CNOT10: variants seen among roughly 807,000 people sequenced by gnomAD.
The protein encoded by CNOT10 is CCR4-NOT transcription complex, subunit 10.
Under a neutral mutation model 94.6 loss-of-function variants are expected in CNOT10, and 30 were observed. The observed-to-expected ratio is 0.32, with a 90% confidence interval of 0.24 to 0.43. The LOEUF is 0.43. CNOT10 is among the 20% of genes least tolerant of loss of function. The probability of loss-of-function intolerance (pLI) is 1.00; values close to 1 mark genes in which losing one functional copy is unlikely to be tolerated. For missense variants in CNOT10, 759 were observed against 877.2 expected (o/e 0.87, Z 1.70); for synonymous variants, 289 against 301.6 (o/e 0.96, Z 0.43).
chr3:32,757,856 C>CACT (rs1367143324), intron 13 of CNOT10, among the ~76,000 whole-genome samples: 1 of 152,174 alleles, frequency 6.6e-6, no homozygotes, highest in Non-Finnish European at 1.5e-5. Flanking sequence ...TTGAAAGTGG[C>CACT]ACTACTTGCT....
intron 10 of CNOT10, among the ~76,000 whole-genome samples, chr3:32,731,724 G>T (rs1471781231): frequency 2.6e-5 from 4 of 152,026 alleles, no homozygotes; most frequent in African/African-American, 7.2e-5. Flanking sequence ...CGATCCACCC[G>T]CCTCAGCCTC....
rs1360769353 is a variant in CNOT10 at position 32,703,939 on chromosome 3, A to G, written c.94A>G (p.Thr32Ala). The G allele has an allele frequency of 6.2e-7, 1 of 1,613,156 alleles. No homozygotes were observed. The highest frequency in any genetic ancestry group is 8.5e-7 in the Non-Finnish European group (1 of 1,179,126). ...GITDQEKELS[T>A]NAFQAFTSGN... ...CACTGATCAAGAGAAGGAGTTATCC[A>G]CCAATGCTTTCCAAGCTTTCACAGT... Residue 32 changes from threonine to alanine, a missense_variant, in exon 2 of 19, where the codon ACC becomes GCC. By Grantham distance (58) the Thr-to-Ala change is moderately conservative. Around this residue, in one of 3 missense-constraint regions of CNOT10, gnomAD observed 682 missense variants for 799.4 expected, o/e 0.85. Coordinates refer to ENST00000328834, the MANE Select transcript of CNOT10 (RefSeq NM_015442.3).
chr3:32,764,631 C>A (rs1700589034), intron 16 of CNOT10, 51 bp from the exon 17 acceptor site: 1 of 1,607,812 alleles, frequency 6.2e-7, no homozygotes, highest in East Asian at 2.2e-5. Context: ...TGGGTTGCTT[C>A]CTTGCTGTTG....
chr3:32,764,305 C>G, intron 15 of CNOT10, 150 bp from the exon 16 acceptor site: 3 of 722,190 alleles, frequency 4.2e-6, no homozygotes, highest in South Asian at 1.9e-5. Context: ...CCCCTGCACT[C>G]CAGCCTGGGC....
intron 8 of CNOT10, among the ~76,000 whole-genome samples, chr3:32,720,667 T>C (rs1278566082): frequency 6.6e-6 from 1 of 151,700 alleles, no homozygotes; most frequent in Non-Finnish European, 1.5e-5. Flanking sequence ...TTATTTATTG[T>C]AGAAACAAGG....
rs1416573287 is a variant in CNOT10, at chr3:32,685,622, G to T, written c.22+140G>T. The T allele has an allele frequency of 1.3e-5, 12 of 891,608 alleles. No individual in the cohort carries two copies. The South Asian group carries it at 1.7e-4, about 13-fold the overall frequency. 55.2% of individuals were successfully genotyped at this position (891,608 alleles called of 1,614,324 possible). A position where few individuals can be genotyped will look rare whatever the true frequency, so the allele number is the denominator to read the frequency against. On this transcript the variant is annotated intron_variant, in intron 1 of 18. Transcript: ENST00000328834. Reference sequence around the variant, plus strand: ...CGTGCATTTCTTTACCCCATCCTCTGTCTCGGCTGTCGCTAACATGAGTCT... The same window carrying T: ...CGTGCATTTCTTTACCCCATCCTCTTTCTCGGCTGTCGCTAACATGAGTCT...
chr3:32,730,507 T>TTTTCCTC (rs1698896168), intron 10 of CNOT10: 1 of 152,068 alleles, frequency 6.6e-6, no homozygotes, highest in Non-Finnish European at 1.5e-5. Context: ...ACCAGTAATA[T>TTTTCCTC]CTTTGTGCTT....
At chr3:32,771,758 C>T (rs1415781844) in intron 18 of CNOT10, among the ~76,000 whole-genome samples, 2 of 152,156 alleles carry the variant, frequency 1.3e-5, no homozygotes, top group Admixed American at 1.3e-4. Context: ...ATCATAACTT[C>T]AGACACTTAA....
intron 13 of CNOT10, among the ~76,000 whole-genome samples, chr3:32,754,489 A>AAAAAAATATATATATATATAT (rs77878221): frequency 1.4e-5 from 1 of 70,212 alleles, no homozygotes; most frequent in Non-Finnish European, 2.2e-5. Flanking sequence ...AAAAAAAAAA[A>AAAAAAATATATATATATATAT]ATACATATAT....
At position 32,717,334 on chromosome 3, in the gene CNOT10, T is replaced by C. The variant is rs148710912; in HGVS notation, c.744+97T>C. ...AAATAATTTATCTTAGTCTTTTACA[T>C]ATACTGCCAGATATGAACCTTGCTA... On this transcript the variant is annotated intron_variant, in intron 7 of 18. Transcript: ENST00000328834. 5.3e-4 allele frequency: 356 copies of C among 673,736 alleles called. 2 individuals are homozygous for C. The East Asian group carries it at 5.9e-3, about 11-fold the overall frequency. The allele number at this position is 673,736 out of a possible 1,614,324, so 41.7% of individuals were successfully genotyped here. A position where few individuals can be genotyped will look rare whatever the true frequency, so the allele number is the denominator to read the frequency against.
Position 32,725,478 on chromosome 3 carries a change from T to C in CNOT10, c.891T>C (p.Asn297=), listed in dbSNP as rs755468651. 5 of 1,613,682 alleles carry C rather than the reference T, an allele frequency of 3.1e-6. 1 individual carries two copies. In the African/African-American group the frequency reaches 4.0e-5, roughly 13 times the overall value. The change falls in exon 9 of 19, where the codon AAT becomes AAC. Residue 297 remains asparagine (N), a synonymous_variant. Coordinates refer to ENST00000328834, the MANE Select transcript of CNOT10 (RefSeq NM_015442.3). The part of the protein sequence containing the change: ...TGECLRCMFW[N]NLGCIHFAMS... ...AATGCTTGAGATGCATGTTCTGGAA[T>C]AACCTTGGTTGCATCCATTTTGCCA...
intron 17 of CNOT10, chr3:32,768,906 G>C (rs1487598130): frequency 6.6e-6 from 1 of 152,286 alleles, no homozygotes; most frequent in South Asian, 2.1e-4. Flanking sequence ...CTACCTGTGA[G>C]ATATCTACCC....
At chr3:32,701,739 C>T (rs1205481264) in intron 1 of CNOT10, among the ~76,000 whole-genome samples, 1 of 152,174 alleles carries the variant, frequency 6.6e-6, no homozygotes, top group East Asian at 1.9e-4. Context: ...GCCTGTGGAA[C>T]CATAAGCCAA....
rs371696319 is a variant in CNOT10 at position 32,772,091 on chromosome 3, A to G, written c.2081-1366A>G. 4.4e-4 allele frequency among the ~76,000 whole-genome samples: 67 copies of G among 152,230 alleles called. 2 individuals are homozygous for G. In the South Asian group the frequency reaches 0.013, roughly 31 times the overall value. The stretch of plus-strand genomic sequence containing the variant: ...ATAGGCCAGGTGCGGTGGCTCATGC[A>G]TGTAATCCCAACACTTTGGGAGGCC... On this transcript the variant is annotated intron_variant, in intron 18 of 18. Coordinates refer to ENST00000328834, the MANE Select transcript of CNOT10 (RefSeq NM_015442.3).
rs184256821 is a variant in CNOT10, at chr3:32,745,777, T to C, written c.1595+8287T>C. The stretch of plus-strand genomic sequence containing the variant: ...GCTTTGGGAGGTCCAGGCAGGCAAA[T>C]TGCTTGAGTCCAGGAATTTGAGACG... On this transcript the variant is annotated intron_variant, in intron 13 of 18. Transcript: ENST00000328834. Among the ~76,000 whole-genome samples the C allele has an allele frequency of 5.3e-5, 8 of 152,248 alleles. No homozygotes were observed. The East Asian group carries it at 1.5e-3, about 29-fold the overall frequency.
At position 32,753,272 on chromosome 3, in the gene CNOT10, C is replaced by G. The variant is rs558174056; in HGVS notation, c.1596-6186C>G. On this transcript the variant is annotated intron_variant, in intron 13 of 18. Coordinates refer to ENST00000328834, the MANE Select transcript of CNOT10 (RefSeq NM_015442.3). ...TTTCAGTGTCTGGATTAAAAGATGT[C>G]AAGAAGCTCAGAATGGCCCAGAATC... is the stretch of plus-strand genomic sequence containing the variant. 450 of 837,110 alleles carry G rather than the reference C, an allele frequency of 5.4e-4. 4 individuals are homozygous for G. In the East Asian group the frequency reaches 9.1e-3, roughly 17 times the overall value. 51.9% of individuals were successfully genotyped at this position (837,110 alleles called of 1,614,324 possible).
At chr3:32,707,705 A>G (rs1697687921) in intron 3 of CNOT10, among the ~76,000 whole-genome samples, 1 of 152,134 alleles carries the variant, frequency 6.6e-6, no homozygotes, top group Non-Finnish European at 1.5e-5. Flanking sequence ...CAGGAGGCTA[A>G]GGCAGGAGAA....
intron 3 of CNOT10, among the ~76,000 whole-genome samples, chr3:32,707,719 C>A (rs1697688717): frequency 6.6e-6 from 1 of 152,020 alleles, no homozygotes; most frequent in Admixed American, 6.6e-5. Flanking sequence ...AGGAGAATCA[C>A]TTGAACCCTG....
chr3:32,729,185 G>T (rs543508271), intron 10 of CNOT10, among the ~76,000 whole-genome samples: 24 of 152,318 alleles, frequency 1.6e-4, no homozygotes, highest in African/African-American at 5.3e-4. Context: ...TTCAGTAAAT[G>T]ATACAGAGTT....
Sources: allele counts gnomAD v4.1 joint callset (sites outside exome capture counted in the v4.1 genomes callset), GRCh38; gene constraint gnomAD v4.1.1; regional missense constraint gnomAD v4.1.1; transcripts MANE v1.5; gene names NCBI Gene and HGNC (gene_info 2026-07-23, HGNC 2026-07-21).